CPEB3: variants seen among roughly 807,000 people sequenced by gnomAD.
CPEB3 encodes the protein cytoplasmic polyadenylation element binding protein 3.
A neutral mutation model predicts 67.2 loss-of-function variants in CPEB3; 20 were observed. That is an observed-to-expected ratio of 0.30 (90% CI 0.21 to 0.43). CPEB3 has a LOEUF of 0.43. Ranked by LOEUF, CPEB3 falls within the 20% of genes least tolerant of loss-of-function variation. The pLI is 1.00. For synonymous variants in CPEB3, 376 were observed against 393.1 expected (o/e 0.96, Z 0.51); for missense variants, 746 against 968.6 (o/e 0.77, Z 3.05).
At chr10:92,080,038 A>C (rs1180429630) in intron 9 of CPEB3, among the ~76,000 whole-genome samples, 1 of 151,674 alleles carries the variant, frequency 6.6e-6, no homozygotes, top group Non-Finnish European at 1.5e-5. Flanking sequence ...GTCTCTACTA[A>C]AAATACAAAA....
chr10:92,073,532 G>A (rs1402076053), intron 9 of CPEB3, among the ~76,000 whole-genome samples: 1 of 152,104 alleles, frequency 6.6e-6, no homozygotes, highest in Non-Finnish European at 1.5e-5. Flanking sequence ...TCAAGCTCCT[G>A]GGCTTAATAG....
intron 1 of CPEB3, among the ~76,000 whole-genome samples, chr10:92,276,360 C>T (rs1202067592): frequency 6.7e-6 from 1 of 149,338 alleles, no homozygotes; most frequent in Non-Finnish European, 1.5e-5. Flanking sequence ...GTCACTGCAA[C>T]CTCCACCTCC....
At position 92,239,548 on chromosome 10, in the gene CPEB3, G is replaced by A; in HGVS notation, c.803C>T (p.Pro268Leu). ...PWGGLQAGRD[P>L]RRAVGVGVGV... ...CACGCCCACACCGACCGCCCGGCGA[G>A]GGTCCCGGCCCGCCTGCAGGCCGCC... is the stretch of plus-strand genomic sequence containing the variant. Residue 268 changes from proline to leucine, a missense_variant, in exon 2 of 10, where the codon CCT becomes CTT. This residue lies in a region of CPEB3 where 643 missense variants were observed against 717.5 expected (regional missense o/e 0.90). Coordinates refer to ENST00000265997, the MANE Select transcript of CPEB3 (RefSeq NM_014912.5). The surrounding 1 kb of genome is among the most constrained non-coding windows in gnomAD (Gnocchi z 6.0). 1.3e-6 allele frequency: 2 copies of A among 1,557,316 alleles called. No individual in the cohort carries two copies. Among genetic ancestry groups the A allele is most frequent in the Non-Finnish European group, 1.7e-6 (2 of 1,149,844 alleles).
rs1852207501 is a variant in CPEB3 at position 92,049,384 on chromosome 10, G to A, written c.*2828C>T. Reference sequence around the variant, plus strand: ...CCAGGGGCTTCCCAGTCAAGTTGCAGGTCAGAACACCTCTGTGTTTTAAAA... The same window carrying A: ...CCAGGGGCTTCCCAGTCAAGTTGCAAGTCAGAACACCTCTGTGTTTTAAAA... On this transcript the variant is annotated 3_prime_UTR_variant, in exon 10 of 10. Transcript: ENST00000265997. 6.6e-6 allele frequency: 1 copy of A among 152,328 alleles called. No individual in the cohort carries two copies. The highest frequency in any genetic ancestry group is 2.4e-5 in the African/African-American group (1 of 41,374). 9.4% of individuals were successfully genotyped at this position (152,328 alleles called of 1,614,324 possible). A position where few individuals can be genotyped will look rare whatever the true frequency, so the allele number is the denominator to read the frequency against.
chr10:92,150,253 TCTC>T (rs1335518502), intron 4 of CPEB3, among the ~76,000 whole-genome samples: 2 of 150,640 alleles, frequency 1.3e-5, no homozygotes, highest in African/African-American at 4.9e-5. Context: ...GCTCTCTCTC[TCTC>T]TTTTTTTTTT....
At chr10:92,093,810 C>G (rs1843727129) in intron 7 of CPEB3, among the ~76,000 whole-genome samples, 2 of 151,882 alleles carry the variant, frequency 1.3e-5, no homozygotes, top group African/African-American at 4.8e-5. Context: ...CCAGTCTATA[C>G]ATTCTTTAAG....
intron 2 of CPEB3, among the ~76,000 whole-genome samples, chr10:92,213,797 T>C (rs1390315009): frequency 6.6e-6 from 1 of 152,150 alleles, no homozygotes; most frequent in African/African-American, 2.4e-5. Context: ...GTAAATCTCC[T>C]AGTCTAGAGC....
At chr10:92,278,257 T>A (rs924098166) in intron 1 of CPEB3, among the ~76,000 whole-genome samples, 1 of 152,172 alleles carries the variant, frequency 6.6e-6, no homozygotes, top group Non-Finnish European at 1.5e-5. Context: ...GATTAGATTG[T>A]CATTTTCTAT....
chr10:92,180,174 A>C (rs1452676875), intron 4 of CPEB3, among the ~76,000 whole-genome samples: 2 of 151,620 alleles, frequency 1.3e-5, no homozygotes, highest in Non-Finnish European at 3.0e-5. Context: ...TCTGGTGTTA[A>C]TTAATATAAT....
chr10:92,289,149 A>T (rs1168451063), intron 1 of CPEB3, among the ~76,000 whole-genome samples: 2 of 152,152 alleles, frequency 1.3e-5, no homozygotes, highest in East Asian at 3.8e-4. Context: ...AGGCTGAGGC[A>T]CGATAATCAC....
intron 1 of CPEB3, among the ~76,000 whole-genome samples, chr10:92,288,614 TTAA>T (rs1842650552): frequency 6.6e-6 from 1 of 152,226 alleles, no homozygotes; most frequent in South Asian, 2.1e-4. Context: ...TTTTTCTACT[TTAA>T]AAGGTTTTTG....
intron 9 of CPEB3, among the ~76,000 whole-genome samples, chr10:92,069,620 G>T (rs576352352): frequency 1.3e-5 from 2 of 152,276 alleles, no homozygotes; most frequent in East Asian, 3.9e-4. Context: ...GGCCAGGCTG[G>T]TCTCGAACTC....
At chr10:92,085,674 T>A (rs186773971) in intron 8 of CPEB3, among the ~76,000 whole-genome samples, 145 of 152,318 alleles carry the variant, frequency 9.5e-4, no homozygotes, top group Admixed American at 1.8e-3. Flanking sequence ...AGTGACACGA[T>A]CTCGGCTCAC....
At chr10:92,151,673 A>G (rs1846975431) in intron 4 of CPEB3, among the ~76,000 whole-genome samples, 1 of 152,196 alleles carries the variant, frequency 6.6e-6, no homozygotes, top group Non-Finnish European at 1.5e-5. Flanking sequence ...TATCTACCTT[A>G]AACTTATTCT....
intron 9 of CPEB3, among the ~76,000 whole-genome samples, chr10:92,069,420 T>G (rs1158228789): frequency 1.3e-5 from 2 of 152,202 alleles, no homozygotes; most frequent in Non-Finnish European, 2.9e-5. Context: ...AATGCCTTTT[T>G]TGAGACAGGG....
intron 1 of CPEB3, among the ~76,000 whole-genome samples, chr10:92,245,176 C>G (rs1181184227): frequency 8.0e-6 from 1 of 124,688 alleles, no homozygotes; most frequent in Admixed American, 9.8e-5. Flanking sequence ...CTCGCTCTGT[C>G]ACCCAGGCTG....
intron 4 of CPEB3, among the ~76,000 whole-genome samples, chr10:92,165,860 C>T (rs892754307): frequency 4.6e-5 from 7 of 152,152 alleles, no homozygotes; most frequent in African/African-American, 1.4e-4. Context: ...AGTTCTCTTG[C>T]TATTTACACT....
chr10:92,180,141 C>A (rs1848399347), intron 4 of CPEB3, among the ~76,000 whole-genome samples: 1 of 152,194 alleles, frequency 6.6e-6, no homozygotes, highest in Non-Finnish European at 1.5e-5. Flanking sequence ...GGAAGGAGAG[C>A]TGATGCCACC....
intron 1 of CPEB3, among the ~76,000 whole-genome samples, chr10:92,258,028 C>A (rs1852600885): frequency 6.6e-6 from 1 of 151,744 alleles, no homozygotes; most frequent in Non-Finnish European, 1.5e-5. Context: ...TCGTGCCCGG[C>A]CTCTCAACTC....
Sources: gnomAD v4.1 joint callset for allele counts (sites outside exome capture counted in the v4.1 genomes callset) on GRCh38, gnomAD v4.1.1 for gene constraint, gnomAD v4.1.1 regional missense constraint, Gnocchi (gnomAD v3.1) non-coding constraint, MANE v1.5 for transcripts, NCBI Gene and HGNC (gene_info 2026-07-23, HGNC 2026-07-21) for gene names.